The following C10orf71 variants were observed in gnomAD, a reference collection of about 807,000 sequenced individuals.
C10orf71 encodes the protein chromosome 10 open reading frame 71.
For missense variants in C10orf71, 1,869 were observed against 1,804.5 expected, an observed-to-expected ratio of 1.04 and a Z score of -0.65; for synonymous variants, 758 against 726.3, an observed-to-expected ratio of 1.04 and a Z score of -0.70.
intron 2 of C10orf71, 116 bp from the exon 3 acceptor site, chr10:49,322,286 G>C: frequency 2.5e-6 from 1 of 407,412 alleles, no homozygotes; most frequent in Non-Finnish European, 4.4e-6. Context: ...TAGCAAGCTT[G>C]CCAAGTTTGA....
intron 1 of C10orf71, among the ~76,000 whole-genome samples, chr10:49,310,276 T>C (rs1002947506): frequency 3.3e-5 from 5 of 152,188 alleles, no homozygotes; most frequent in African/African-American, 9.7e-5. Flanking sequence ...AAGATCCTTA[T>C]TACATGACGT....
At chr10:49,314,899 CACAA>C (rs1848973803) in intron 1 of C10orf71, among the ~76,000 whole-genome samples, 1 of 152,158 alleles carries the variant, frequency 6.6e-6, no homozygotes. Flanking sequence ...AGAGCATTAC[CACAA>C]ACAGTGACTG....
intron 2 of C10orf71, among the ~76,000 whole-genome samples, chr10:49,317,631 A>AAT (rs1849021768): frequency 1.3e-5 from 2 of 152,168 alleles, no homozygotes; most frequent in African/African-American, 2.4e-5. Flanking sequence ...TGGACAGATT[A>AAT]CTTGAGCCTG....
Position 49,325,816 on chromosome 10 carries a change from G to A in C10orf71, c.3271G>A (p.Glu1091Lys), listed in dbSNP as rs1007856006. Residue 1091 changes from glutamate (E) to lysine (K), a missense_variant, in exon 3 of 3, where the codon GAG becomes AAG. Coordinates refer to ENST00000374144, the MANE Select transcript of C10orf71 (RefSeq NM_001135196.2). ...QAPGGPELLP[E>K]EPNQASPWAS... ...CCCTGGAGGACCAGAGCTGCTTCCC[G>A]AGGAGCCTAATCAAGCCAGCCCCTG... 19 of 1,551,312 alleles carry A rather than the reference G, an allele frequency of 1.2e-5. No individual in the cohort carries two copies. The highest frequency in any genetic ancestry group is 6.8e-5 in the African/African-American group (5 of 73,026).
In C10orf71 at chr10:49,325,735, G is replaced by C; in HGVS notation, c.3190G>C (p.Glu1064Gln). The C allele has an allele frequency of 1.9e-6, 3 of 1,551,514 alleles. No individual in the cohort carries two copies. The highest frequency in any genetic ancestry group is 2.6e-6 in the Non-Finnish European group (3 of 1,146,886). ...TTCCCCCAACCCCGGCTCCCCCGGGGAGAGCAGTGCCTGCTCCCCTGCTGC... is the reference window on the plus strand; with the variant it reads ...TTCCCCCAACCCCGGCTCCCCCGGGCAGAGCAGTGCCTGCTCCCCTGCTGC... ...ANSPNPGSPGESSACSPAASN... is the reference protein window; with the variant it reads ...ANSPNPGSPGQSSACSPAASN... The change falls in exon 3 of 3, where the codon GAG becomes CAG. Residue 1064 changes from glutamate to glutamine, a missense_variant. By Grantham distance (29) the Glu-to-Gln change is conservative (BLOSUM62 2). Transcript: ENST00000374144.
rs1002822254 is a variant in C10orf71 at position 49,327,406 on chromosome 10, G to C, written c.*553G>C. On this transcript the variant is annotated 3_prime_UTR_variant, in exon 3 of 3. Transcript: ENST00000374144. ...GCACAGAATGGGTTTCCTTCACAGG[G>C]AGAAACTTGCCTCTGAAAGCTATTT... 2 of 171,900 alleles carry C rather than the reference G, an allele frequency of 1.2e-5. No individual in the cohort carries two copies. 10.6% of individuals were successfully genotyped at this position (171,900 alleles called of 1,614,324 possible). A position where few individuals can be genotyped will look rare whatever the true frequency, so the allele number is the denominator to read the frequency against.
In C10orf71 at chr10:49,324,663, G is replaced by T; in HGVS notation, c.2118G>T (p.Glu706Asp). 1 of 1,612,998 alleles carries T rather than the reference G, an allele frequency of 6.2e-7. No individual in the cohort carries two copies. The highest frequency in any genetic ancestry group is 8.5e-7 in the Non-Finnish European group (1 of 1,179,522). The change falls in exon 3 of 3, where the codon GAG (glutamate) becomes GAT (aspartate). Residue 706 changes from glutamate (E) to aspartate (D), a missense_variant. Glu to Asp is a conservative substitution (Grantham distance 45, BLOSUM62 2). Coordinates refer to ENST00000374144, the MANE Select transcript of C10orf71 (RefSeq NM_001135196.2). Reference protein sequence around the residue: ...KFFPGPLSPEEEDVFYSDSQS... With the variant: ...KFFPGPLSPEDEDVFYSDSQS... ...TCCCAGGGCCCCTCTCTCCTGAGGA[G>T]GAAGATGTGTTTTACAGTGACAGCC...
chr10:49,307,922 G>A (rs577008137), intron 1 of C10orf71, among the ~76,000 whole-genome samples: 1 of 152,138 alleles, frequency 6.6e-6, no homozygotes, highest in Non-Finnish European at 1.5e-5. Flanking sequence ...TCATGTCCTG[G>A]GTTAGACCAA....
rs1849125397 is a variant in C10orf71, at chr10:49,322,998, C to A, written c.453C>A (p.Asp151Glu). 1.2e-6 allele frequency: 2 copies of A among 1,613,926 alleles called. No individual in the cohort carries two copies. Among genetic ancestry groups the A allele is most frequent in the Non-Finnish European group, 8.5e-7 (1 of 1,179,918 alleles). Reference sequence around the variant, plus strand: ...TATCAACACTAATTAAATCTTTCGACAGGACCGAGAGCCAACGTTGTGAGA... The same window carrying A: ...TATCAACACTAATTAAATCTTTCGAAAGGACCGAGAGCCAACGTTGTGAGA... ...SKVSTLIKSF[D>E]RTESQRCESR... Residue 151 changes from aspartate (D) to glutamate (E), a missense_variant, in exon 3 of 3, where the codon GAC becomes GAA. Coordinates refer to ENST00000374144, the MANE Select transcript of C10orf71 (RefSeq NM_001135196.2).
At position 49,300,444 on chromosome 10, in the gene C10orf71, G is replaced by C. The variant is rs150183217; in HGVS notation, c.-248+1211G>C. 8.2e-4 allele frequency among the ~76,000 whole-genome samples: 114 copies of C among 138,754 alleles called. 1 individual carries two copies. Among genetic ancestry groups the C allele is most frequent in the African/African-American group, 2.9e-3 (103 of 35,826 alleles). 91.0% of individuals were successfully genotyped at this position (138,754 alleles called of 152,430 possible). On this transcript the variant is annotated intron_variant, in intron 1 of 2. Transcript: ENST00000374144. ...ACTGTGTTACAAGAACACATCTTGAGATGGGTCAATTTAATACAAAAAAAA... is the reference window on the plus strand; with the variant it reads ...ACTGTGTTACAAGAACACATCTTGACATGGGTCAATTTAATACAAAAAAAA...
Position 49,325,057 on chromosome 10 carries a change from G to C in C10orf71, c.2512G>C (p.Ala838Pro), listed in dbSNP as rs753142905. 1.4e-5 allele frequency: 22 copies of C among 1,551,798 alleles called. No homozygotes were observed. Among genetic ancestry groups the C allele is most frequent in the Non-Finnish European group, 1.9e-5 (22 of 1,147,020 alleles). Residue 838 changes from alanine (A) to proline (P), a missense_variant, in exon 3 of 3, where the codon GCC (alanine) becomes CCC (proline). Coordinates refer to ENST00000374144, the MANE Select transcript of C10orf71 (RefSeq NM_001135196.2). Reference sequence around the variant, plus strand: ...AAATAAGGGCACAACCTTTTCACAGGCCAAAGACCTTACTCCCTCACCATC... The same window carrying C: ...AAATAAGGGCACAACCTTTTCACAGCCCAAAGACCTTACTCCCTCACCATC... ...GENKGTTFSQ[A>P]KDLTPSPSSA...
At chr10:49,319,975 CA>C (rs1369770575) in intron 2 of C10orf71, among the ~76,000 whole-genome samples, 3 of 151,792 alleles carry the variant, frequency 2.0e-5, no homozygotes, top group African/African-American at 4.8e-5. Flanking sequence ...TGGTGGCTTC[CA>C]GGGGGGAGGG....
chr10:49,318,824 G>A (rs1849042244), intron 2 of C10orf71, among the ~76,000 whole-genome samples: 1 of 152,224 alleles, frequency 6.6e-6, no homozygotes, highest in African/African-American at 2.4e-5. Context: ...TCACAGCACA[G>A]ATACAGATGA....
In C10orf71 at chr10:49,325,754, C is replaced by T; in HGVS notation, c.3209C>T (p.Pro1070Leu). Residue 1070 changes from proline to leucine, a missense_variant, in exon 3 of 3, where the codon CCT becomes CTT. Physicochemically the swap from Pro to Leu is moderately conservative, Grantham distance 98. Transcript: ENST00000374144. ...GSPGESSACS[P>L]AASNIWEESS... ...CCCGGGGAGAGCAGTGCCTGCTCCC[C>T]TGCTGCCAGCAACATTTGGGAGGAG... 6.4e-7 allele frequency: 1 copy of T among 1,551,450 alleles called. No individual in the cohort carries two copies. The highest frequency in any genetic ancestry group is 8.7e-7 in the Non-Finnish European group (1 of 1,146,890).
chr10:49,321,590 T>C (rs921301032), intron 2 of C10orf71, among the ~76,000 whole-genome samples: 5 of 152,236 alleles, frequency 3.3e-5, no homozygotes, highest in Admixed American at 2.6e-4. Flanking sequence ...TTGGATCATA[T>C]AGTAGTTCTA....
Position 49,326,271 on chromosome 10 carries a change from G to C in C10orf71, c.3726G>C (p.Val1242=). 6.5e-7 allele frequency: 1 copy of C among 1,550,018 alleles called. No homozygotes were observed. The highest frequency in any genetic ancestry group is 8.7e-7 in the Non-Finnish European group (1 of 1,146,604). ...FPVVRSLPPP[V]HRHSVSGFSE... is the part of the protein sequence containing the mutation. ...TGGTCCGTTCCCTGCCCCCTCCCGT[G>C]CACCGCCACTCCGTGTCCGGCTTCT... The change falls in exon 3 of 3, where the codon GTG becomes GTC. Residue 1242 remains valine (V), a synonymous_variant. Transcript: ENST00000374144.
chr10:49,301,178 A>G, intron 1 of C10orf71, among the ~76,000 whole-genome samples: 1 of 152,080 alleles, frequency 6.6e-6, no homozygotes, highest in Non-Finnish European at 1.5e-5. Context: ...TTTACTCCAT[A>G]TGCCCTGGGT....
chr10:49,301,179 T>A (rs1848722627), intron 1 of C10orf71, among the ~76,000 whole-genome samples: 1 of 152,164 alleles, frequency 6.6e-6, no homozygotes, highest in Non-Finnish European at 1.5e-5. Context: ...TTACTCCATA[T>A]GCCCTGGGTT....
chr10:49,301,404 A>G (rs1342251022), intron 1 of C10orf71, among the ~76,000 whole-genome samples: 2 of 152,132 alleles, frequency 1.3e-5, no homozygotes, highest in African/African-American at 4.8e-5. Flanking sequence ...ACACCCCCTC[A>G]TTTCTACTTG....
Sources: gnomAD v4.1 joint callset for allele counts (sites outside exome capture counted in the v4.1 genomes callset) on GRCh38, gnomAD v4.1.1 for gene constraint, MANE v1.5 for transcripts, NCBI Gene and HGNC (gene_info 2026-07-23, HGNC 2026-07-21) for gene names.